Variants in SPECC1 observed in about 807,000 individuals in gnomAD.
The protein encoded by SPECC1 is sperm antigen with calponin homology and coiled-coil domains 1, also known as cytospin-B.
In SPECC1, 62 loss-of-function variants were observed where a neutral mutation model predicts 104.1. The observed-to-expected ratio is 0.60, with a 90% CI of 0.49 to 0.74. SPECC1 has a LOEUF of 0.74. Among genes scored for constraint, SPECC1 ranks in the 30% least tolerant of loss-of-function variants. SPECC1 has a pLI of 0.00. For synonymous variants in SPECC1, 513 were observed against 501.6 expected (o/e 1.02, Z -0.30); for missense variants, 1,306 against 1,310.5 (o/e 1.00, Z 0.05).
chr17:20,127,498 A>G (rs1275051198), intron 3 of SPECC1, among the ~76,000 whole-genome samples: 1 of 125,958 alleles, frequency 7.9e-6, no homozygotes, highest in Non-Finnish European at 1.6e-5. Context: ...GCTGAAGTGT[A>G]GTGGCGTGAC....
chr17:20,211,569 T>C (rs2037151114), intron 4 of SPECC1, among the ~76,000 whole-genome samples: 1 of 152,256 alleles, frequency 6.6e-6, no homozygotes, highest in Non-Finnish European at 1.5e-5. Flanking sequence ...AAAGCCAGAA[T>C]GCCTGTGCAG....
chr17:20,205,546 G>A lies in SPECC1; in HGVS notation c.1497G>A (p.Glu499=), dbSNP rs1597971636. ...QQLTCSLRKV[E]EENQGALEMI... ...TGACCTGTAGCTTGCGGAAGGTTGA[G>A]GAAGAAAACCAAGGAGCTTTAGAAA... Residue 499 remains glutamate, a synonymous_variant, in exon 4 of 15, where the codon GAG becomes GAA. Transcript: ENST00000395527. 6.2e-7 allele frequency: 1 copy of A among 1,614,062 alleles called. No homozygotes were observed. The highest frequency in any genetic ancestry group is 8.5e-7 in the Non-Finnish European group (1 of 1,180,008).
chr17:20,163,255 A>G (rs776060803), intron 3 of SPECC1, among the ~76,000 whole-genome samples: 15 of 152,212 alleles, frequency 9.9e-5, no homozygotes, highest in Admixed American at 2.0e-4. Context: ...AGTTGTGGAT[A>G]ATAAAAAAGT....
chr17:20,280,341 CTAAG>C (rs762935755), intron 12 of SPECC1, among the ~76,000 whole-genome samples: 1 of 152,216 alleles, frequency 6.6e-6, no homozygotes, highest in Non-Finnish European at 1.5e-5. Flanking sequence ...AAATACAAAA[CTAAG>C]GCAGCAAGAG....
chr17:20,313,570 C>T (rs1229912308), intron 14 of SPECC1, among the ~76,000 whole-genome samples: 5 of 152,102 alleles, frequency 3.3e-5, no homozygotes, highest in Admixed American at 6.5e-5. Flanking sequence ...GCTCAGCCCA[C>T]GTAATGGCAC....
intron 3 of SPECC1, among the ~76,000 whole-genome samples, chr17:20,143,781 C>G (rs1170425184): frequency 6.6e-6 from 1 of 152,166 alleles, no homozygotes; most frequent in Non-Finnish European, 1.5e-5. Context: ...TAGGGGGAAT[C>G]CATTCAGAGT....
chr17:20,261,459 G>A (rs546030689), intron 12 of SPECC1, among the ~76,000 whole-genome samples: 1 of 140,666 alleles, frequency 7.1e-6, no homozygotes, highest in African/African-American at 2.7e-5. Context: ...CCAAGATTGC[G>A]CCACTGCACT....
At chr17:20,189,366 A>G (rs1014727578) in intron 3 of SPECC1, among the ~76,000 whole-genome samples, 5 of 152,308 alleles carry the variant, frequency 3.3e-5, no homozygotes, top group African/African-American at 1.2e-4. Context: ...GAATTCTGGG[A>G]CGAAGCGCTC....
At chr17:20,050,653 G>C (rs1456510458) in intron 1 of SPECC1, among the ~76,000 whole-genome samples, 1 of 152,148 alleles carries the variant, frequency 6.6e-6, no homozygotes, top group Non-Finnish European at 1.5e-5. Context: ...AAGGATTCTT[G>C]GGTGGTCTTT....
intron 3 of SPECC1, among the ~76,000 whole-genome samples, chr17:20,132,992 G>C (rs2152550394): frequency 6.6e-6 from 1 of 152,246 alleles, no homozygotes; most frequent in South Asian, 2.1e-4. Context: ...TGCCGCCTCG[G>C]CCTCCCGAAG....
intron 1 of SPECC1, among the ~76,000 whole-genome samples, chr17:20,065,556 G>A (rs1368368532): frequency 1.3e-5 from 2 of 152,178 alleles, no homozygotes; most frequent in African/African-American, 2.4e-5. Context: ...TTCCCTGGGT[G>A]CACTACCCTC....
At chr17:20,101,545 G>T (rs1842061754) in intron 2 of SPECC1, among the ~76,000 whole-genome samples, 1 of 152,292 alleles carries the variant, frequency 6.6e-6, no homozygotes, top group African/African-American at 2.4e-5. Context: ...GCAGAGGCTG[G>T]GGACGTGGAC....
chr17:20,195,593 T>C (rs1324279676), intron 3 of SPECC1, among the ~76,000 whole-genome samples: 1 of 151,616 alleles, frequency 6.6e-6, no homozygotes, highest in Non-Finnish European at 1.5e-5. Context: ...AGTCTTGCTC[T>C]GTCACCCAGT....
rs562662086 is a variant in SPECC1, at chr17:20,119,935, A to T, written c.283+9373A>T. Among the ~76,000 whole-genome samples, 7 of 152,336 alleles carry T rather than the reference A, an allele frequency of 4.6e-5. No individual in the cohort carries two copies. In the East Asian group the frequency reaches 1.4e-3, roughly 29 times the overall value. On this transcript the variant is annotated intron_variant, in intron 3 of 14. Transcript: ENST00000395527. The stretch of plus-strand genomic sequence containing the variant: ...GACATGATGCTCAAAGGAAATGCTC[A>T]CTGGGGCATTTTGGATTTTGGATTT...
At chr17:20,061,740 C>T (rs2046191283) in intron 1 of SPECC1, among the ~76,000 whole-genome samples, 1 of 152,138 alleles carries the variant, frequency 6.6e-6, no homozygotes, top group Non-Finnish European at 1.5e-5. Context: ...ACTTCAGTCC[C>T]ATTTTTCTTT....
chr17:20,204,181 A>T, intron 3 of SPECC1, 152 bp from the exon 4 acceptor site: 1 of 986,882 alleles, frequency 1.0e-6, no homozygotes, highest in Non-Finnish European at 1.5e-6. Flanking sequence ...CACAGAAACC[A>T]CAGTCAGAAC....
chr17:20,024,413 A>G (rs557771896), intron 1 of SPECC1, among the ~76,000 whole-genome samples: 65 of 152,276 alleles, frequency 4.3e-4, no homozygotes, highest in Middle Eastern at 3.4e-3. Flanking sequence ...TTTCATTTCA[A>G]TTGGAGTTTT....
At chr17:20,214,680 CTATTT>C (rs1314543577) in intron 4 of SPECC1, among the ~76,000 whole-genome samples, 2 of 152,058 alleles carry the variant, frequency 1.3e-5, no homozygotes, top group Non-Finnish European at 2.9e-5. Context: ...GCTAACTTTC[CTATTT>C]TTAGTAGAGA....
In SPECC1 at chr17:20,021,616, C is replaced by T. The variant is rs74375500; in HGVS notation, c.-22+12192C>T. On this transcript the variant is annotated intron_variant, in intron 1 of 14. Coordinates refer to ENST00000395527, the MANE Select transcript of SPECC1 (RefSeq NM_001243439.2). Reference sequence around the variant, plus strand: ...GCCAGATTGCTGTCAAGGGTGGCTGCACCACTACCTTCCCCAGCAGCACAC... The same window carrying T: ...GCCAGATTGCTGTCAAGGGTGGCTGTACCACTACCTTCCCCAGCAGCACAC... Among the ~76,000 whole-genome samples the T allele has an allele frequency of 2.5e-4, 38 of 150,488 alleles. No individual in the cohort carries two copies. In the East Asian group the frequency reaches 7.2e-3, roughly 29 times the overall value.
Sources: gnomAD v4.1 joint callset for allele counts (sites outside exome capture counted in the v4.1 genomes callset) on GRCh38, gnomAD v4.1.1 for gene constraint, MANE v1.5 for transcripts, NCBI Gene and HGNC (gene_info 2026-07-23, HGNC 2026-07-21) for gene names.